ATP8A2: variants seen among roughly 807,000 people sequenced by gnomAD.
The protein encoded by ATP8A2 is ATPase phospholipid transporting 8A2.
ATP8A2 carries 100 observed loss-of-function variants against 165.6 expected under a neutral mutation model. The observed-to-expected ratio is 0.60, with a 90% CI of 0.51 to 0.71. ATP8A2 has a LOEUF of 0.71. ATP8A2 is among the 30% of genes least tolerant of loss of function. The pLI, the probability that ATP8A2 is intolerant of heterozygous loss-of-function variation, is 0.00. For synonymous variants in ATP8A2, 543 were observed against 548.8 expected (o/e 0.99, Z 0.15); for missense variants, 1,227 against 1,479.5 (o/e 0.83, Z 2.80).
intron 11 of ATP8A2, among the ~76,000 whole-genome samples, chr13:25,552,512 A>C (rs9581390): frequency 0.064 from 9,678 of 152,226 alleles, 401 homozygotes; most frequent in South Asian, 0.13. Context: ...TAATTATACT[A>C]TCTTTTATAA....
intron 27 of ATP8A2, among the ~76,000 whole-genome samples, chr13:25,793,088 G>T (rs1395428100): frequency 6.6e-6 from 1 of 151,930 alleles, no homozygotes; most frequent in Non-Finnish European, 1.5e-5. Flanking sequence ...CATAGGAGTG[G>T]TACCTTTTCC....
intron 24 of ATP8A2, among the ~76,000 whole-genome samples, chr13:25,605,298 A>C (rs1456071949): frequency 6.6e-6 from 1 of 152,182 alleles, no homozygotes; most frequent in East Asian, 1.9e-4. Context: ...CCTTTGATGT[A>C]GTTCACTTGA....
At chr13:25,878,815 C>CT (rs1414939733) in intron 33 of ATP8A2, among the ~76,000 whole-genome samples, 1 of 152,170 alleles carries the variant, frequency 6.6e-6, no homozygotes, top group Non-Finnish European at 1.5e-5. Context: ...TCCACTCACT[C>CT]TGTCTCCACT....
At chr13:25,469,878 T>TA (rs1458496573) in intron 2 of ATP8A2, among the ~76,000 whole-genome samples, 3 of 152,322 alleles carry the variant, frequency 2.0e-5, no homozygotes, top group Non-Finnish European at 4.4e-5. Context: ...TTATCACGGG[T>TA]GTTCGTACAT....
At chr13:25,461,423 T>C (rs1193212387) in intron 1 of ATP8A2, among the ~76,000 whole-genome samples, 2 of 152,202 alleles carry the variant, frequency 1.3e-5, no homozygotes, top group East Asian at 3.8e-4. Flanking sequence ...AACATCTTTG[T>C]AAATATGGGG....
intron 18 of ATP8A2, among the ~76,000 whole-genome samples, chr13:25,572,235 A>G (rs1012607179): frequency 6.6e-6 from 1 of 152,136 alleles, no homozygotes; most frequent in African/African-American, 2.4e-5. Flanking sequence ...CCCAGGTTCA[A>G]GCAATTCTCC....
chr13:25,997,651 A>AT (rs1956539863), intron 35 of ATP8A2, among the ~76,000 whole-genome samples: 1 of 151,706 alleles, frequency 6.6e-6, no homozygotes, highest in African/African-American at 2.4e-5. Flanking sequence ...AGACTGGGTA[A>AT]TTTCTACTGT....
intron 24 of ATP8A2, among the ~76,000 whole-genome samples, chr13:25,613,729 G>T (rs1593651335): frequency 6.6e-6 from 1 of 152,266 alleles, no homozygotes; most frequent in African/African-American, 2.4e-5. Context: ...ATTATTGACT[G>T]ATAATTGTCT....
intron 30 of ATP8A2, among the ~76,000 whole-genome samples, chr13:25,859,907 G>A (rs1010264016): frequency 6.6e-6 from 1 of 151,914 alleles, no homozygotes; most frequent in Non-Finnish European, 1.5e-5. Flanking sequence ...AAAACAAACT[G>A]GACAAAGATA....
chr13:25,828,711 C>T (rs1376384242), intron 28 of ATP8A2, among the ~76,000 whole-genome samples: 1 of 152,184 alleles, frequency 6.6e-6, no homozygotes, highest in Non-Finnish European at 1.5e-5. Flanking sequence ...GGATGGTAAT[C>T]AGCTCATCTG....
chr13:25,872,116 G>T (rs183438577), intron 33 of ATP8A2, among the ~76,000 whole-genome samples: 1 of 140,998 alleles, frequency 7.1e-6, no homozygotes, highest in Non-Finnish European at 1.5e-5. Flanking sequence ...CCACCTCTAG[G>T]GTCTGGATCT....
chr13:25,729,568 T>C (rs2043570248), intron 25 of ATP8A2, among the ~76,000 whole-genome samples: 1 of 152,254 alleles, frequency 6.6e-6, no homozygotes, highest in African/African-American at 2.4e-5. Context: ...GTCATTTATA[T>C]GGACTGTGTC....
At chr13:25,399,790 C>T (rs1196664423) in intron 1 of ATP8A2, among the ~76,000 whole-genome samples, 2 of 151,236 alleles carry the variant, frequency 1.3e-5, no homozygotes, top group South Asian at 4.2e-4. Context: ...GCTTCCTCCT[C>T]TTCTTCTTTC....
intron 33 of ATP8A2, among the ~76,000 whole-genome samples, chr13:25,956,247 G>A (rs2209322): frequency 0.99 from 150,411 of 152,342 alleles, 74,269 homozygotes; most frequent in East Asian, 1. Context: ...CCTATTTGAC[G>A]TAGTATTGGA....
intron 2 of ATP8A2, among the ~76,000 whole-genome samples, chr13:25,520,894 A>C (rs766609147): frequency 6.6e-6 from 1 of 152,158 alleles, no homozygotes; most frequent in East Asian, 1.9e-4. Context: ...GATTACAGGC[A>C]TGAGCCACCG....
chr13:25,740,671 A>G lies in ATP8A2; in HGVS notation c.2385-28375A>G, dbSNP rs149176886. 3.0e-4 allele frequency among the ~76,000 whole-genome samples: 45 copies of G among 152,314 alleles called. 1 individual carries two copies. Among genetic ancestry groups the G allele is most frequent in the Middle Eastern group, 3.4e-3 (1 of 294 alleles). On this transcript the variant is annotated intron_variant, in intron 25 of 36. Transcript: ENST00000381655. ...TGTCACTACCCACGAGAGGCATTAT[A>G]GGTGGAAATGCAGATTTGGCATGAA...
intron 33 of ATP8A2, among the ~76,000 whole-genome samples, chr13:25,876,829 G>T (rs1049696048): frequency 6.6e-6 from 1 of 152,024 alleles, no homozygotes; most frequent in African/African-American, 2.4e-5. Flanking sequence ...TATTCAAATA[G>T]AATTAAATAT....
intron 33 of ATP8A2, among the ~76,000 whole-genome samples, chr13:25,914,255 A>G (rs1292679538): frequency 6.6e-6 from 1 of 152,084 alleles, no homozygotes; most frequent in East Asian, 1.9e-4. Context: ...TATCACTTCC[A>G]TTCCCATGAC....
At chr13:25,435,398 C>T (rs1239635174) in intron 1 of ATP8A2, among the ~76,000 whole-genome samples, 1 of 152,124 alleles carries the variant, frequency 6.6e-6, no homozygotes, top group Non-Finnish European at 1.5e-5. Flanking sequence ...AGATTACAGG[C>T]GTGAACCACC....
Sources: gnomAD v4.1 joint callset for allele counts (sites outside exome capture counted in the v4.1 genomes callset) on GRCh38, gnomAD v4.1.1 for gene constraint, MANE v1.5 for transcripts, NCBI Gene and HGNC (gene_info 2026-07-23, HGNC 2026-07-21) for gene names.